EML5: variants seen among roughly 807,000 people sequenced by gnomAD.
EML5 encodes echinoderm microtubule-associated protein-like 5.
EML5 carries 120 observed loss-of-function variants against 250.0 expected under a neutral mutation model. The ratio of observed to expected loss-of-function variants is 0.48; its 90% CI spans 0.41 to 0.56. The LOEUF is 0.56. Ranked by LOEUF, EML5 falls within the 20% of genes least tolerant of loss-of-function variation. The pLI is 0.00. For missense variants in EML5, 2,006 were observed against 2,437.6 expected (o/e 0.82, Z 3.73); for synonymous variants, 771 against 806.5 (o/e 0.96, Z 0.75).
In EML5 at chr14:88,697,078, A is replaced by G. The variant is rs531371532; in HGVS notation, c.2239-126T>C. 1.3e-3 allele frequency: 857 copies of G among 636,088 alleles called. 2 individuals carry two copies. The highest frequency in any genetic ancestry group is 1.8e-3 in the Non-Finnish European group (730 of 412,654). 39.4% of individuals were successfully genotyped at this position (636,088 alleles called of 1,614,324 possible). ...TACCACAGAAATTTATTAAATAAAA[A>G]TTTAAAGCAAACTATATAAGTGACT... On this transcript the variant is annotated intron_variant, in intron 14 of 43. Coordinates refer to ENST00000554922, the MANE Select transcript of EML5 (RefSeq NM_183387.3).
intron 1 of EML5, among the ~76,000 whole-genome samples, chr14:88,768,187 G>T (rs551518008): frequency 6.6e-6 from 1 of 152,000 alleles, no homozygotes; most frequent in Admixed American, 6.6e-5. Context: ...GAAGGTTTAG[G>T]GTGTCAATAT....
Position 88,614,942 on chromosome 14 carries a change from T to C in EML5, c.*876A>G, listed in dbSNP as rs889414470. The C allele has an allele frequency of 6.6e-6, 1 of 152,244 alleles. No homozygotes were observed. Among genetic ancestry groups the C allele is most frequent in the Non-Finnish European group, 1.5e-5 (1 of 68,038 alleles). The allele number at this position is 152,244 out of a possible 1,614,324, so 9.4% of individuals were successfully genotyped here. A position where few individuals can be genotyped will look rare whatever the true frequency, so the allele number is the denominator to read the frequency against. ...GTTGTATATGTGAATTTAACACTTT[T>C]GTTTACATGTTAAACAAATGTGTAT... On this transcript the variant is annotated 3_prime_UTR_variant, in exon 44 of 44. Coordinates refer to ENST00000554922, the MANE Select transcript of EML5 (RefSeq NM_183387.3).
intron 19 of EML5, among the ~76,000 whole-genome samples, chr14:88,686,855 G>A (rs572374780): frequency 6.6e-6 from 1 of 152,260 alleles, no homozygotes; most frequent in South Asian, 2.1e-4. Flanking sequence ...AAAGGCCTGT[G>A]AGGCTACAGA....
At position 88,684,104 on chromosome 14, in the gene EML5, G is replaced by A. The variant is rs149431863; in HGVS notation, c.2982+911C>T. On this transcript the variant is annotated intron_variant, in intron 20 of 43. Coordinates refer to ENST00000554922, the MANE Select transcript of EML5 (RefSeq NM_183387.3). The stretch of plus-strand genomic sequence containing the variant: ...ACTATCAGAACTAATAAATGAGGAC[G>A]GCAAGTTTACAGGTTATAGGGTTAA... Among the ~76,000 whole-genome samples, 1,232 of 150,878 alleles carry A rather than the reference G, an allele frequency of 8.2e-3. 9 individuals carry two copies. Among genetic ancestry groups the A allele is most frequent in the Middle Eastern group, 0.028 (8 of 290 alleles).
At chr14:88,621,005 A>T in intron 38 of EML5, 79 bp from the exon 39 acceptor site, 1 of 1,473,644 alleles carries the variant, frequency 6.8e-7, no homozygotes, top group Non-Finnish European at 9.0e-7. Flanking sequence ...GTTTCCCCTC[A>T]AAATGCTCAA....
At chr14:88,658,452 T>C (rs957816213) in intron 25 of EML5, 64 bp from the exon 26 acceptor site, 5 of 1,289,036 alleles carry the variant, frequency 3.9e-6, no homozygotes, top group Admixed American at 2.3e-5. Context: ...ATTTCCATTA[T>C]GATTTTGAAT....
intron 6 of EML5, among the ~76,000 whole-genome samples, chr14:88,738,510 C>A (rs566239921): frequency 4.6e-5 from 7 of 151,938 alleles, no homozygotes; most frequent in African/African-American, 1.4e-4. Context: ...AGTTTCCCAA[C>A]CCTCAATATT....
Position 88,615,656 on chromosome 14 carries a change from A to G in EML5, c.*162T>C, listed in dbSNP as rs149196497. ...GGATTATACCCAGTGCATATAGCAA[A>G]TATTTTGAACAGATCAGTCTTTCAC... On this transcript the variant is annotated 3_prime_UTR_variant, in exon 44 of 44. Coordinates refer to ENST00000554922, the MANE Select transcript of EML5 (RefSeq NM_183387.3). 271 of 637,244 alleles carry G rather than the reference A, an allele frequency of 4.3e-4. No individual in the cohort carries two copies. In the African/African-American group the frequency reaches 4.5e-3, roughly 11 times the overall value. 39.5% of individuals were successfully genotyped at this position (637,244 alleles called of 1,614,324 possible). A position where few individuals can be genotyped will look rare whatever the true frequency, so the allele number is the denominator to read the frequency against.
chr14:88,644,429 T>G lies in EML5; in HGVS notation c.4107+4A>C. 6.2e-7 allele frequency: 1 copy of G among 1,613,564 alleles called. No individual in the cohort carries two copies. Among genetic ancestry groups the G allele is most frequent in the South Asian group, 1.1e-5 (1 of 91,062 alleles). On this transcript the variant is annotated splice_donor_region_variant and intron_variant, in intron 30 of 43. Transcript: ENST00000554922. ...AGTAACACTGGAGAGTGAGTTTTCCTTACCTCTATAGGTCTCTTTTTCTTG... is the reference window on the plus strand; with the variant it reads ...AGTAACACTGGAGAGTGAGTTTTCCGTACCTCTATAGGTCTCTTTTTCTTG...
chr14:88,712,740 A>G (rs1228269119), intron 9 of EML5, among the ~76,000 whole-genome samples: 1 of 152,206 alleles, frequency 6.6e-6, no homozygotes, highest in African/African-American at 2.4e-5. Flanking sequence ...AGCAGGTTCA[A>G]TTATGTGGAG....
At chr14:88,685,294 CTCAA>C (rs544022200) in intron 19 of EML5, among the ~76,000 whole-genome samples, 152 bp from the exon 20 acceptor site, 60 of 152,206 alleles carry the variant, frequency 3.9e-4, no homozygotes, top group South Asian at 2.3e-3. Context: ...CTATATTAAC[CTCAA>C]TCATTCAATT....
chr14:88,687,944 G>T (rs1290358055), intron 18 of EML5, among the ~76,000 whole-genome samples: 1 of 152,068 alleles, frequency 6.6e-6, no homozygotes, highest in South Asian at 2.1e-4. Context: ...GGTGGCACTT[G>T]CCTGTAGTCA....
At chr14:88,683,265 G>A (rs1297901248) in intron 20 of EML5, among the ~76,000 whole-genome samples, 1 of 150,864 alleles carries the variant, frequency 6.6e-6, no homozygotes, top group African/African-American at 2.4e-5. Context: ...AGAGATAGCT[G>A]GGAGGAGCCT....
rs2140915476 is a variant in EML5 at position 88,792,732 on chromosome 14, G to A, written c.-229C>T. 9.2e-7 allele frequency: 1 copy of A among 1,084,170 alleles called. No homozygotes were observed. The highest frequency in any genetic ancestry group is 1.1e-6 in the Non-Finnish European group (1 of 894,860). 67.2% of individuals were successfully genotyped at this position (1,084,170 alleles called of 1,614,324 possible). ...CATGCTGAGGGCCGCGAGCGCCGCC[G>A]GCTGTCAAGTGGATGCCCAGAGCCC... On this transcript the variant is annotated 5_prime_UTR_variant, in exon 1 of 44. Coordinates refer to ENST00000554922, the MANE Select transcript of EML5 (RefSeq NM_183387.3). The surrounding 1 kb of genome is among the most constrained non-coding windows in gnomAD (Gnocchi z 6.9).
chr14:88,632,770 C>T (rs984109776), intron 33 of EML5, among the ~76,000 whole-genome samples: 2 of 152,156 alleles, frequency 1.3e-5, no homozygotes, highest in African/African-American at 2.4e-5. Flanking sequence ...TTCTTCAGGG[C>T]GTTTGGTATT....
In EML5 at chr14:88,706,360, T is replaced by A; in HGVS notation, c.1724A>T (p.Tyr575Phe). The A allele has an allele frequency of 6.2e-7, 1 of 1,610,066 alleles. No homozygotes were observed. Among genetic ancestry groups the A allele is most frequent in the Non-Finnish European group, 8.5e-7 (1 of 1,178,216 alleles). Residue 575 changes from tyrosine to phenylalanine, a missense_variant, in exon 11 of 44, where the codon TAT (tyrosine) becomes TTT (phenylalanine). Tyr to Phe is a conservative substitution (Grantham distance 22). Coordinates refer to ENST00000554922, the MANE Select transcript of EML5 (RefSeq NM_183387.3). ...TCCACCAATAGAAATAACCCACTGATAATCATGTGACCATCTGACATTAGT... is the reference window on the plus strand; with the variant it reads ...TCCACCAATAGAAATAACCCACTGAAAATCATGTGACCATCTGACATTAGT... Reference protein sequence around the residue: ...HVTNVRWSHDYQWVISIGGAD... With the variant: ...HVTNVRWSHDFQWVISIGGAD...
chr14:88,689,269 A>G (rs1008405948), intron 17 of EML5, among the ~76,000 whole-genome samples: 7 of 152,228 alleles, frequency 4.6e-5, no homozygotes, highest in African/African-American at 1.7e-4. Context: ...TGCAAAAGGC[A>G]TATCATATAG....
intron 18 of EML5, among the ~76,000 whole-genome samples, chr14:88,687,831 C>CT: frequency 6.6e-6 from 1 of 152,024 alleles, no homozygotes; most frequent in East Asian, 1.9e-4. Flanking sequence ...TAACACAATA[C>CT]TTTGACGGCT....
intron 18 of EML5, among the ~76,000 whole-genome samples, chr14:88,687,981 G>C (rs574738481): frequency 6.6e-6 from 1 of 152,314 alleles, no homozygotes. Context: ...TGAGGCAGGA[G>C]GATTTCTTGA....
Sources: gnomAD v4.1 joint callset for allele counts (sites outside exome capture counted in the v4.1 genomes callset) on GRCh38, gnomAD v4.1.1 for gene constraint, Gnocchi (gnomAD v3.1) non-coding constraint, MANE v1.5 for transcripts, NCBI Gene and HGNC (gene_info 2026-07-23, HGNC 2026-07-21) for gene names.